Variants in CTBP1 observed in about 807,000 individuals in gnomAD.
CTBP1 encodes the protein C-terminal-binding protein 1.
A neutral mutation model predicts 42.1 loss-of-function variants in CTBP1; 11 were observed. That is an observed-to-expected ratio of 0.26 (90% CI 0.16 to 0.43). CTBP1 has a LOEUF of 0.43. Ranked by LOEUF, CTBP1 falls within the 20% of genes least tolerant of loss-of-function variation. The probability of loss-of-function intolerance (pLI) is 1.00; values close to 1 mark genes in which losing one functional copy is unlikely to be tolerated. For missense variants in CTBP1, 399 were observed against 624.3 expected (o/e 0.64, Z 3.85); for synonymous variants, 324 against 277.1 (o/e 1.17, Z -1.68).
intron 5 of CTBP1, chr4:1,223,541 C>T (rs1026380035): frequency 1.5e-5 from 7 of 455,148 alleles, no homozygotes; most frequent in East Asian, 7.0e-5. Flanking sequence ...GGGGGCCGGC[C>T]GGTCAAGGGG....
intron 1 of CTBP1, chr4:1,244,304 T>G (rs186959801): frequency 1.0e-6 from 1 of 979,122 alleles, no homozygotes; most frequent in African/African-American, 1.8e-5. Context: ...GGGGTCACCA[T>G]GGGCTGGGAC....
At chr4:1,222,360 G>C (rs775894398) in intron 5 of CTBP1, among the ~76,000 whole-genome samples, 1 of 152,096 alleles carries the variant, frequency 6.6e-6, no homozygotes, top group Non-Finnish European at 1.5e-5. Context: ...TCCCGAGGCC[G>C]AGGGAGCGCT....
chr4:1,248,281 G>A (rs923323427), intron 1 of CTBP1, among the ~76,000 whole-genome samples: 1 of 151,860 alleles, frequency 6.6e-6, no homozygotes, highest in South Asian at 2.1e-4. Flanking sequence ...CGGGAACGGA[G>A]ACCCCGGGCC....
Position 1,212,945 on chromosome 4 carries a change from G to T in CTBP1, c.1074C>A (p.Val358=). Residue 358 remains valine, a synonymous_variant, in exon 9 of 10, where the codon GTC becomes GTA. Coordinates refer to ENST00000382952, the MANE Select transcript of CTBP1 (RefSeq NM_001012614.2). ...ATHWASMDPA[V]VHPELNGAAY... ...CAGCCCCATTGAGCTCAGGGTGCAC[G>T]ACGGCGGGGTCCATGCTGGCCCAGT... 1.9e-6 allele frequency: 3 copies of T among 1,613,818 alleles called. No homozygotes were observed. Among genetic ancestry groups the T allele is most frequent in the Non-Finnish European group, 2.5e-6 (3 of 1,179,992 alleles).
chr4:1,229,258 G>A (rs1001651359), intron 3 of CTBP1, among the ~76,000 whole-genome samples: 1 of 152,200 alleles, frequency 6.6e-6, no homozygotes, highest in Non-Finnish European at 1.5e-5. Flanking sequence ...CACAGGGTGG[G>A]GATGTGTGTG....
chr4:1,214,938 C>T (rs530714090), intron 6 of CTBP1, among the ~76,000 whole-genome samples: 2 of 152,388 alleles, frequency 1.3e-5, no homozygotes, highest in African/African-American at 2.4e-5. Context: ...CCTCCGTCTT[C>T]GGAACAGGCT....
chr4:1,236,190 T>C (rs1434926140), intron 3 of CTBP1: 4 of 169,214 alleles, frequency 2.4e-5, no homozygotes, highest in Non-Finnish European at 5.1e-5. Flanking sequence ...GGCCCTATCC[T>C]GTGAGCTCCT....
intron 5 of CTBP1, among the ~76,000 whole-genome samples, chr4:1,222,856 CAT>C (rs1020815292): frequency 3.3e-4 from 51 of 152,256 alleles, no homozygotes; most frequent in African/African-American, 1.2e-3. Flanking sequence ...AGACAGGACA[CAT>C]GACTCTGGGG....
At position 1,248,761 on chromosome 4, in the gene CTBP1, G is replaced by A. The variant is rs1427141479; in HGVS notation, c.-189+155C>T. ...TTCCCGCGGTCCCGCCCCCGACCGC[G>A]GCCACGCGCGGACGCCGGCGCGCAC... is the stretch of plus-strand genomic sequence containing the variant. On this transcript the variant is annotated intron_variant, in intron 1 of 9. Coordinates refer to ENST00000382952, the MANE Select transcript of CTBP1 (RefSeq NM_001012614.2). 2.2e-5 allele frequency: 21 copies of A among 976,380 alleles called. 1 individual carries two copies. Among genetic ancestry groups the A allele is most frequent in the Middle Eastern group, 1.1e-3 (2 of 1,898 alleles). The allele number at this position is 976,380 out of a possible 1,614,324, so 60.5% of individuals were successfully genotyped here. A position where few individuals can be genotyped will look rare whatever the true frequency, so the allele number is the denominator to read the frequency against.
In CTBP1 at chr4:1,248,990, C is replaced by A; in HGVS notation, c.-263G>T. ...CGAGCGGCCGCGGGCCCCGACCACT[C>A]CGGCGCGCTGCGCCGCCGCGAGCCC... On this transcript the variant is annotated 5_prime_UTR_variant, in exon 1 of 10. Coordinates refer to ENST00000382952, the MANE Select transcript of CTBP1 (RefSeq NM_001012614.2). 1 of 972,022 alleles carries A rather than the reference C, an allele frequency of 1.0e-6. No individual in the cohort carries two copies. Among genetic ancestry groups the A allele is most frequent in the South Asian group, 4.5e-5 (1 of 22,198 alleles). The allele number at this position is 972,022 out of a possible 1,614,324, so 60.2% of individuals were successfully genotyped here.
In CTBP1 at chr4:1,223,276, C is replaced by T. The variant is rs185195103; in HGVS notation, c.514+2084G>A. On this transcript the variant is annotated intron_variant, in intron 5 of 9. Coordinates refer to ENST00000382952, the MANE Select transcript of CTBP1 (RefSeq NM_001012614.2). ...CTCAGATGGGCAGAGGTGTGAGGAA[C>T]AGGCACCTCAGGGCTCTGGGATCCT... 6.6e-4 allele frequency: 240 copies of T among 363,672 alleles called. 3 individuals are homozygous for T. The highest frequency in any genetic ancestry group is 6.1e-3 in the Middle Eastern group (15 of 2,458). The allele number at this position is 363,672 out of a possible 1,614,324, so 22.5% of individuals were successfully genotyped here.
At chr4:1,213,185 G>T in intron 8 of CTBP1, 155 bp from the exon 9 acceptor site, 1 of 761,172 alleles carries the variant, frequency 1.3e-6, no homozygotes, top group East Asian at 2.6e-5. Flanking sequence ...CTGTCTCTCT[G>T]GGCACTGGCA....
At chr4:1,218,446 A>C (rs1159981432) in intron 5 of CTBP1, 2 of 152,102 alleles carry the variant, frequency 1.3e-5, no homozygotes. Context: ...AAAGAAAAGC[A>C]AAAGGAATCG....
intron 4 of CTBP1, 52 bp downstream of exon 4, chr4:1,228,147 C>T (rs531165558): frequency 9.4e-6 from 15 of 1,599,516 alleles, no homozygotes; most frequent in African/African-American, 2.7e-5. Flanking sequence ...CGAAGCAAGA[C>T]GGGACGGAGC....
At position 1,212,943 on chromosome 4, in the gene CTBP1, A is replaced by T; in HGVS notation, c.1076T>A (p.Val359Glu). The T allele has an allele frequency of 6.2e-7, 1 of 1,613,814 alleles. No homozygotes were observed. ...GGCAGCCCCATTGAGCTCAGGGTGCACGACGGCGGGGTCCATGCTGGCCCA... is the reference window on the plus strand; with the variant it reads ...GGCAGCCCCATTGAGCTCAGGGTGCTCGACGGCGGGGTCCATGCTGGCCCA... ...THWASMDPAVVHPELNGAAYR... is the reference protein window; with the variant it reads ...THWASMDPAVEHPELNGAAYR... The change falls in exon 9 of 10, where the codon GTG becomes GAG. Residue 359 changes from valine (V) to glutamate (E), a missense_variant. Val to Glu is a moderately radical substitution (Grantham distance 121). This residue lies in a region of CTBP1 where 309 missense variants were observed against 497.5 expected (regional missense o/e 0.62). Coordinates refer to ENST00000382952, the MANE Select transcript of CTBP1 (RefSeq NM_001012614.2).
At chr4:1,216,602 A>G (rs982868003) in intron 5 of CTBP1, 39 of 287,870 alleles carry the variant, frequency 1.4e-4, no homozygotes, top group African/African-American at 8.4e-4. Flanking sequence ...CGATCCACCC[A>G]TCAATGTTTC....
chr4:1,246,724 T>A (rs1365670983), intron 1 of CTBP1, among the ~76,000 whole-genome samples: 1 of 152,154 alleles, frequency 6.6e-6, no homozygotes, highest in Non-Finnish European at 1.5e-5. Flanking sequence ...GCCAGGCTGG[T>A]GGGGAACCAG....
intron 5 of CTBP1, among the ~76,000 whole-genome samples, chr4:1,218,839 C>T (rs1253915512): frequency 6.6e-6 from 1 of 152,148 alleles, no homozygotes; most frequent in African/African-American, 2.4e-5. Flanking sequence ...AATCATTTAA[C>T]ACCTGATTAA....
At chr4:1,237,450 A>G (rs113981130) in intron 3 of CTBP1, 19,161 of 344,116 alleles carry the variant, frequency 0.056, 911 homozygotes, top group East Asian at 0.22. Context: ...CTCCTGATGG[A>G]GCTCAGTGAA....
Sources: gnomAD v4.1 joint callset for allele counts (sites outside exome capture counted in the v4.1 genomes callset) on GRCh38, gnomAD v4.1.1 for gene constraint, gnomAD v4.1.1 regional missense constraint, MANE v1.5 for transcripts, NCBI Gene and HGNC (gene_info 2026-07-23, HGNC 2026-07-21) for gene names.